Variants in FXR1 observed in about 807,000 individuals in gnomAD.
The protein encoded by FXR1 is RNA-binding protein FXR1.
Under a neutral mutation model 84.0 loss-of-function variants are expected in FXR1, and 15 were observed. The ratio of observed to expected loss-of-function variants is 0.18; its 90% CI spans 0.12 to 0.27. The LOEUF is 0.27. FXR1 is among the 10% of genes least tolerant of loss of function. The pLI is 1.00. For synonymous variants in FXR1, 245 were observed against 250.7 expected (o/e 0.98, Z 0.21); for missense variants, 480 against 774.4 (o/e 0.62, Z 4.51).
At chr3:180,930,253 C>A (rs192877400) in intron 1 of FXR1, among the ~76,000 whole-genome samples, 1 of 150,694 alleles carries the variant, frequency 6.6e-6, no homozygotes, top group Non-Finnish European at 1.5e-5. Flanking sequence ...CAGAGTGAGA[C>A]TCCATCTCAA....
chr3:180,975,429 T>G lies in FXR1; in HGVS notation c.1695+25T>G, dbSNP rs536193925. The G allele has an allele frequency of 4.2e-4, 328 of 789,706 alleles. 2 individuals are homozygous for G. The highest frequency in any genetic ancestry group is 9.8e-5 in the Non-Finnish European group (49 of 498,136). 48.9% of individuals were successfully genotyped at this position (789,706 alleles called of 1,614,324 possible). A position where few individuals can be genotyped will look rare whatever the true frequency, so the allele number is the denominator to read the frequency against. ...GGTAAGGAGAATTTAACCTGTAGGT[T>G]TTTTTTTTTTTTAATTTTTGGTATG... On this transcript the variant is annotated intron_variant, in intron 16 of 16. Transcript: ENST00000357559.
At position 180,948,423 on chromosome 3, in the gene FXR1, A is replaced by G; in HGVS notation, c.347A>G (p.Asn116Ser). The G allele has an allele frequency of 5.0e-6, 8 of 1,607,988 alleles. No homozygotes were observed. Among genetic ancestry groups the G allele is most frequent in the South Asian group, 1.1e-5 (1 of 90,956 alleles). The stretch of plus-strand genomic sequence containing the variant: ...ACATTTGAACGACTTCGGCCTGTCA[A>G]TCAAAATAAAACTGTCAAAAAAAAT... ...IVTFERLRPVNQNKTVKKNTF... is the reference protein window; with the variant it reads ...IVTFERLRPVSQNKTVKKNTF... The change falls in exon 5 of 17, where the codon AAT (asparagine) becomes AGT (serine). Residue 116 changes from asparagine to serine, a missense_variant. Asn to Ser is a conservative substitution (Grantham distance 46). Transcript: ENST00000357559.
intron 9 of FXR1, chr3:180,957,516 A>T (rs2108477159): frequency 4.8e-6 from 1 of 208,996 alleles, no homozygotes; most frequent in Admixed American, 5.9e-5. Context: ...TGGGTTGGAT[A>T]TTTTAAAAAT....
At chr3:180,964,098 C>G (rs1394883432) in intron 13 of FXR1, among the ~76,000 whole-genome samples, 1 of 152,070 alleles carries the variant, frequency 6.6e-6, no homozygotes, top group Non-Finnish European at 1.5e-5. Flanking sequence ...TGTCCCTGCC[C>G]TTTAATATCA....
chr3:180,941,761 C>T (rs1315347668), intron 3 of FXR1, among the ~76,000 whole-genome samples: 4 of 152,228 alleles, frequency 2.6e-5, no homozygotes, highest in African/African-American at 9.6e-5. Flanking sequence ...TGGTAGGAAA[C>T]TGATTTGTTA....
intron 13 of FXR1, among the ~76,000 whole-genome samples, chr3:180,966,533 T>C (rs1712854057): frequency 6.6e-6 from 1 of 152,202 alleles, no homozygotes; most frequent in Non-Finnish European, 1.5e-5. Flanking sequence ...TTTCATGAAA[T>C]CACTCTTATC....
intron 1 of FXR1, among the ~76,000 whole-genome samples, chr3:180,915,995 G>T (rs1717849998): frequency 6.6e-6 from 1 of 152,186 alleles, no homozygotes; most frequent in Non-Finnish European, 1.5e-5. Context: ...AAATCTGCGG[G>T]GATGAGAGAG....
chr3:180,933,311 TATA>T lies in FXR1; in HGVS notation c.52-20_52-18del, dbSNP rs957004361. On this transcript the variant is annotated intron_variant, in intron 1 of 16. Coordinates refer to ENST00000357559, the MANE Select transcript of FXR1 (RefSeq NM_005087.4). The stretch of plus-strand genomic sequence containing the variant: ...CGAAGTGCTTTAATATCTATGCTTT[TATA>T]ATGTTTTTGTGTCTTGCAGGGATTT... 3.5e-6 allele frequency: 5 copies of T among 1,431,652 alleles called. No homozygotes were observed. The African/African-American group carries it at 5.6e-5, about 16-fold the overall frequency. The allele number at this position is 1,431,652 out of a possible 1,614,324, so 88.7% of individuals were successfully genotyped here. A position where few individuals can be genotyped will look rare whatever the true frequency, so the allele number is the denominator to read the frequency against.
At chr3:180,915,620 T>C in intron 1 of FXR1, 2 of 758,932 alleles carry the variant, frequency 2.6e-6, no homozygotes, top group Non-Finnish European at 4.6e-6. Flanking sequence ...TTGGTGGTTT[T>C]TCAATGTACA....
rs2108502208 is a variant in FXR1, at chr3:180,978,863, C to G, written c.*2571C>G. ...CTGCTTTTCCTGAAGCTTTGGGAGGCCTAGGATTCTTGCTTTAGGCATCAC... is the reference window on the plus strand; with the variant it reads ...CTGCTTTTCCTGAAGCTTTGGGAGGGCTAGGATTCTTGCTTTAGGCATCAC... On this transcript the variant is annotated 3_prime_UTR_variant, in exon 17 of 17. Coordinates refer to ENST00000357559, the MANE Select transcript of FXR1 (RefSeq NM_005087.4). 6.6e-6 allele frequency: 1 copy of G among 152,152 alleles called. No individual in the cohort carries two copies. Among genetic ancestry groups the G allele is most frequent in the East Asian group, 1.9e-4 (1 of 5,174 alleles). The allele number at this position is 152,152 out of a possible 1,614,324, so 9.4% of individuals were successfully genotyped here.
intron 8 of FXR1, among the ~76,000 whole-genome samples, chr3:180,952,183 C>G (rs1424642520): frequency 6.6e-6 from 1 of 152,150 alleles, no homozygotes; most frequent in Non-Finnish European, 1.5e-5. Context: ...GTCTCGAACT[C>G]CTGAGCTCAA....
rs140191844 is a variant in FXR1 at position 180,926,116 on chromosome 3, T to G, written c.52-7218T>G. ...TGCACTTTTTTCTTTTTTTAACACA[T>G]TTGAGAAGGCATAAAAAAAGTAATT... is the stretch of plus-strand genomic sequence containing the variant. On this transcript the variant is annotated intron_variant, in intron 1 of 16. Transcript: ENST00000357559. Among the ~76,000 whole-genome samples, 49 of 152,242 alleles carry G rather than the reference T, an allele frequency of 3.2e-4. No homozygotes were observed. In the East Asian group the frequency reaches 9.5e-3, roughly 29 times the overall value.
intron 3 of FXR1, among the ~76,000 whole-genome samples, chr3:180,936,355 C>T (rs1204653437): frequency 6.6e-6 from 1 of 152,224 alleles, no homozygotes; most frequent in Non-Finnish European, 1.5e-5. Flanking sequence ...CCAACCTCCT[C>T]TTCCCAGGTT....
chr3:180,931,026 C>CAAAAAAAAAAAAAAAAAAAAAAAAAA (rs57731098), intron 1 of FXR1, among the ~76,000 whole-genome samples: 4 of 55,642 alleles, frequency 7.2e-5, no homozygotes, highest in East Asian at 7.2e-4. Flanking sequence ...GAGACTGCCT[C>CAAAAAAAAAAAAAAAAAAAAAAAAAA]AAAAAAAAAA....
At chr3:180,970,069 A>T (rs1358323990) in intron 14 of FXR1, 89 bp from the exon 15 acceptor site, 6 of 617,738 alleles carry the variant, frequency 9.7e-6, no homozygotes, top group Non-Finnish European at 1.8e-5. Context: ...ACTGAAGTTT[A>T]TTTGTCATTG....
In FXR1 at chr3:180,975,430, T is replaced by TG. The variant is rs767306037; in HGVS notation, c.1695+26_1695+27insG. The TG allele has an allele frequency of 3.4e-6, 3 of 880,074 alleles. No homozygotes were observed. The South Asian group carries it at 4.8e-5, about 14-fold the overall frequency. The allele number at this position is 880,074 out of a possible 1,614,324, so 54.5% of individuals were successfully genotyped here. The stretch of plus-strand genomic sequence containing the variant: ...GTAAGGAGAATTTAACCTGTAGGTT[T>TG]TTTTTTTTTTTAATTTTTGGTATGG... On this transcript the variant is annotated intron_variant, in intron 16 of 16. Transcript: ENST00000357559.
At chr3:180,915,157 T>G (rs1246072804) in intron 1 of FXR1, among the ~76,000 whole-genome samples, 1 of 152,262 alleles carries the variant, frequency 6.6e-6, no homozygotes, top group Non-Finnish European at 1.5e-5. Flanking sequence ...TTTATTGCTT[T>G]TTATTCATTA....
Position 180,925,788 on chromosome 3 carries a change from A to G in FXR1, c.52-7546A>G, listed in dbSNP as rs182636373. 5.5e-4 allele frequency among the ~76,000 whole-genome samples: 84 copies of G among 152,336 alleles called. 1 individual carries two copies. The highest frequency in any genetic ancestry group is 1.9e-3 in the African/African-American group (79 of 41,562). ...AATTGATCAAGGGATAAAAAGTGAT[A>G]ATAAAATCCACTGTGGCAGTTCTTG... On this transcript the variant is annotated intron_variant, in intron 1 of 16. Coordinates refer to ENST00000357559, the MANE Select transcript of FXR1 (RefSeq NM_005087.4).
At position 180,953,784 on chromosome 3, in the gene FXR1, C is replaced by A; in HGVS notation, c.824C>A (p.Ala275Asp). 1 of 1,585,252 alleles carries A rather than the reference C, an allele frequency of 6.3e-7. No homozygotes were observed. Among genetic ancestry groups the A allele is most frequent in the Non-Finnish European group, 8.7e-7 (1 of 1,154,574 alleles). The change falls in exon 9 of 17, where the codon GCT (alanine) becomes GAT (aspartate). Residue 275 changes from alanine to aspartate, a missense_variant. Ala to Asp is a moderately radical substitution (Grantham distance 126). Coordinates refer to ENST00000357559, the MANE Select transcript of FXR1 (RefSeq NM_005087.4). ...CAGAGTGCTGATGCTGTAAAAAAGGCTAGAGGTTTCTTGGAATTTGTGGAG... is the reference window on the plus strand; with the variant it reads ...CAGAGTGCTGATGCTGTAAAAAAGGATAGAGGTTTCTTGGAATTTGTGGAG... ...YGESADAVKK[A>D]RGFLEFVEDF...
Sources: gnomAD v4.1 joint callset for allele counts (sites outside exome capture counted in the v4.1 genomes callset) on GRCh38, gnomAD v4.1.1 for gene constraint, MANE v1.5 for transcripts, NCBI Gene and HGNC (gene_info 2026-07-23, HGNC 2026-07-21) for gene names.